MYLK: variants seen among roughly 807,000 people sequenced by gnomAD.
MYLK encodes myosin light chain kinase.
In MYLK, 106 loss-of-function variants were observed where a neutral mutation model predicts 203.4. The ratio of observed to expected loss-of-function variants is 0.52; its 90% CI spans 0.45 to 0.61. MYLK has a LOEUF of 0.61. MYLK is among the 20% of genes least tolerant of loss of function. The pLI is 0.00. For missense variants in MYLK, 2,072 were observed against 2,442.3 expected (o/e 0.85, Z 3.20); for synonymous variants, 867 against 959.5 (o/e 0.90, Z 1.78).
chr3:123,701,980 G>A (rs13080634), intron 16 of MYLK, among the ~76,000 whole-genome samples: 39,711 of 152,122 alleles, frequency 0.26, 6,600 homozygotes, highest in Middle Eastern at 0.44. Flanking sequence ...TCTCTTGCTC[G>A]GGAATGGAAG....
chr3:123,664,361 C>T, intron 22 of MYLK, 103 bp from the exon 23 acceptor site: 1 of 1,525,536 alleles, frequency 6.6e-7, no homozygotes, highest in Non-Finnish European at 9.1e-7. Flanking sequence ...TGCAGCTGGA[C>T]AAGCTGTGGG....
At chr3:123,664,947 G>A (rs2059688236) in intron 22 of MYLK, among the ~76,000 whole-genome samples, 1 of 152,160 alleles carries the variant, frequency 6.6e-6, no homozygotes, top group Admixed American at 6.5e-5. Flanking sequence ...GAGAGTAGAT[G>A]AGTGGTTGTC....
In MYLK at chr3:123,734,021, G is replaced by A. The variant is rs772643586; in HGVS notation, c.975C>T (p.Cys325=). The part of the protein sequence containing the change: ...QPPRESKLES[C]KDSPRTAPQT... ...GCGGGGCCGTTCTGGGCGAGTCCTTGCATGACTCCAGCTTGGACTCCCTTG... is the reference window on the plus strand; with the variant it reads ...GCGGGGCCGTTCTGGGCGAGTCCTTACATGACTCCAGCTTGGACTCCCTTG... Residue 325 remains cysteine, a synonymous_variant, in exon 10 of 34, where the codon TGC becomes TGT. Transcript: ENST00000360304. 1.2e-6 allele frequency: 2 copies of A among 1,614,212 alleles called. No individual in the cohort carries two copies. The highest frequency in any genetic ancestry group is 8.5e-7 in the Non-Finnish European group (1 of 1,180,044).
chr3:123,709,238 T>G, intron 14 of MYLK: 1 of 222,724 alleles, frequency 4.5e-6, no homozygotes, highest in South Asian at 7.0e-5. Context: ...CCTCCCAGGT[T>G]CACGCCATTC....
chr3:123,666,940 C>T (rs2059754691), intron 21 of MYLK, 197 bp downstream of exon 21: 2 of 622,596 alleles, frequency 3.2e-6, no homozygotes, highest in South Asian at 1.9e-5. Context: ...TGGAAGGGGA[C>T]CAGGAGCCAG....
chr3:123,709,531 G>A, intron 14 of MYLK: 1 of 618,044 alleles, frequency 1.6e-6, no homozygotes, highest in South Asian at 1.8e-5. Context: ...CTAGCTCTAT[G>A]GCCATCTTCT....
intron 10 of MYLK, among the ~76,000 whole-genome samples, chr3:123,733,455 C>T (rs1162859782): frequency 6.6e-6 from 1 of 152,190 alleles, no homozygotes; most frequent in Non-Finnish European, 1.5e-5. Context: ...AGGGCCAGTA[C>T]TCTATCCAAG....
chr3:123,848,943 A>G (rs527441836), intron 2 of MYLK, among the ~76,000 whole-genome samples: 189 of 152,164 alleles, frequency 1.2e-3, no homozygotes, highest in Non-Finnish European at 2.2e-3. Flanking sequence ...TAAAATTTAT[A>G]GTAATACCTA....
chr3:123,761,818 G>C (rs1046230555), intron 4 of MYLK, among the ~76,000 whole-genome samples: 1 of 152,138 alleles, frequency 6.6e-6, no homozygotes. Flanking sequence ...CTGAGGTCAG[G>C]AATTTGAGAC....
chr3:123,831,794 A>G (rs1490928542), intron 2 of MYLK, 124 bp from the exon 3 acceptor site: 1 of 169,534 alleles, frequency 5.9e-6, no homozygotes, highest in African/African-American at 2.4e-5. Context: ...GAAGCATCCC[A>G]ACAGTGACGA....
chr3:123,681,958 G>A (rs1255019341), intron 20 of MYLK: 1 of 521,094 alleles, frequency 1.9e-6, no homozygotes, highest in Non-Finnish European at 3.5e-6. Flanking sequence ...GTTGGGCAGG[G>A]GAGGTAGATA....
chr3:123,842,865 G>A (rs971107768), intron 2 of MYLK, among the ~76,000 whole-genome samples: 7 of 152,228 alleles, frequency 4.6e-5, no homozygotes, highest in East Asian at 1.9e-4. Context: ...CATTTCTAGC[G>A]TCACTTCTAT....
chr3:123,630,385 T>C (rs556450277), intron 29 of MYLK: 4 of 152,374 alleles, frequency 2.6e-5, no homozygotes, highest in South Asian at 4.1e-4. Flanking sequence ...CAGACATTCA[T>C]TGAGGTTTTT....
rs146100311 is a variant in MYLK at position 123,742,582 on chromosome 3, A to G, written c.374-2581T>C. On this transcript the variant is annotated intron_variant, in intron 5 of 33. Transcript: ENST00000360304. Reference sequence around the variant, plus strand: ...TCTGGCATCCAAATAGAGGATGGATAGGGCCTTCTAAACACGCTCCATACA... The same window carrying G: ...TCTGGCATCCAAATAGAGGATGGATGGGGCCTTCTAAACACGCTCCATACA... Among the ~76,000 whole-genome samples the G allele has an allele frequency of 1.4e-4, 21 of 152,342 alleles. No individual in the cohort carries two copies. In the East Asian group the frequency reaches 4.0e-3, roughly 29 times the overall value.
chr3:123,664,073 C>T (rs779164197), intron 23 of MYLK, 32 bp downstream of exon 23: 1 of 1,613,482 alleles, frequency 6.2e-7, no homozygotes. Flanking sequence ...CCCCTTGCCC[C>T]AAGCTCCATG....
chr3:123,728,477 A>G (rs1339020287), intron 11 of MYLK, among the ~76,000 whole-genome samples: 1 of 152,102 alleles, frequency 6.6e-6, no homozygotes, highest in Non-Finnish European at 1.5e-5. Flanking sequence ...ATTGCACTCC[A>G]GTCTGGGTGA....
intron 2 of MYLK, among the ~76,000 whole-genome samples, chr3:123,843,444 G>T (rs1418141490): frequency 1.3e-5 from 2 of 152,110 alleles, no homozygotes; most frequent in Non-Finnish European, 2.9e-5. Context: ...AGCAGGACAA[G>T]GAGACTATAT....
chr3:123,701,042 G>A (rs2108586966), intron 17 of MYLK, 37 bp from the exon 18 acceptor site: 1 of 1,598,148 alleles, frequency 6.3e-7, no homozygotes, highest in Admixed American at 1.7e-5. Context: ...AGTAGCAGGA[G>A]GAAAAGGGGC....
At chr3:123,787,881 A>T (rs567628153) in intron 4 of MYLK, among the ~76,000 whole-genome samples, 2 of 152,316 alleles carry the variant, frequency 1.3e-5, no homozygotes, top group South Asian at 4.1e-4. Flanking sequence ...CTTTCTCCAC[A>T]AAGTTGGGGC....
Sources: gnomAD v4.1 joint callset for allele counts (sites outside exome capture counted in the v4.1 genomes callset) on GRCh38, gnomAD v4.1.1 for gene constraint, MANE v1.5 for transcripts, NCBI Gene and HGNC (gene_info 2026-07-23, HGNC 2026-07-21) for gene names.